SLC26A9: variants seen among roughly 807,000 people sequenced by gnomAD.
SLC26A9 encodes the protein anion transporter/exchanger protein 9.
SLC26A9 carries 46 observed loss-of-function variants against 87.1 expected under a neutral mutation model. That is an observed-to-expected ratio of 0.53 (90% CI 0.42 to 0.67). The LOEUF (loss-of-function observed/expected upper bound fraction) is 0.67, where lower values mean the gene tolerates loss of function less well. SLC26A9 is among the 30% of genes least tolerant of loss of function. The pLI is 0.00. For synonymous variants in SLC26A9, 437 were observed against 409.1 expected (o/e 1.07, Z -0.82); for missense variants, 927 against 1,018.3 (o/e 0.91, Z 1.22).
At position 205,933,923 on chromosome 1, in the gene SLC26A9, C is replaced by T. The variant is rs191475951; in HGVS notation, c.126-839G>A. Among the ~76,000 whole-genome samples, 265 of 152,272 alleles carry T rather than the reference C, an allele frequency of 1.7e-3. 1 individual carries two copies. Among genetic ancestry groups the T allele is most frequent in the African/African-American group, 6.1e-3 (255 of 41,546 alleles). On this transcript the variant is annotated intron_variant, in intron 2 of 20. Coordinates refer to ENST00000367135, the MANE Select transcript of SLC26A9 (RefSeq NM_052934.4). ...AGCGGTAGGAACAAGGGCTTACAAA[C>T]TCAAGGGTGACAGCCGGTGGATTGA...
intron 1 of SLC26A9, among the ~76,000 whole-genome samples, chr1:205,936,540 G>C (rs1389757117): frequency 6.6e-6 from 1 of 152,160 alleles, no homozygotes; most frequent in Non-Finnish European, 1.5e-5. Context: ...CGTTCCAGGA[G>C]CTGAGATGGG....
At position 205,927,273 on chromosome 1, in the gene SLC26A9, C is replaced by T; in HGVS notation, c.1231G>A (p.Val411Met). ...ATGGTGATCATCACCACCAGAGACA[C>T]ACACAGGCTGGCCACCTATTCCGAG... ...GGKSQVASLC[V>M]SLVVMITMLV... The change falls in exon 11 of 21, where the codon GTG becomes ATG. Residue 411 changes from valine to methionine, a missense_variant. Physicochemically the swap from Val to Met is conservative, Grantham distance 21. Coordinates refer to ENST00000367135, the MANE Select transcript of SLC26A9 (RefSeq NM_052934.4). The T allele has an allele frequency of 6.2e-7, 1 of 1,614,130 alleles. No homozygotes were observed. Among genetic ancestry groups the T allele is most frequent in the Non-Finnish European group, 8.5e-7 (1 of 1,180,032 alleles).
chr1:205,932,348 A>G (rs1659339970), intron 4 of SLC26A9, among the ~76,000 whole-genome samples: 1 of 152,224 alleles, frequency 6.6e-6, no homozygotes, highest in Non-Finnish European at 1.5e-5. Context: ...TTAGCACCAG[A>G]GAAGTCCAAA....
chr1:205,931,796 G>A (rs1469850442), intron 5 of SLC26A9, 64 bp downstream of exon 5: 4 of 1,545,184 alleles, frequency 2.6e-6, no homozygotes, highest in South Asian at 1.2e-5. Flanking sequence ...TCAAAGCTAA[G>A]GCTTTGAGGG....
In SLC26A9 at chr1:205,928,996, A is replaced by G. The variant is rs1400936031; in HGVS notation, c.871-87T>C. On this transcript the variant is annotated intron_variant, in intron 7 of 20. Coordinates refer to ENST00000367135, the MANE Select transcript of SLC26A9 (RefSeq NM_052934.4). Reference sequence around the variant, plus strand: ...TCTCAAGTCTCCCTTTTCTCTGGGGACCCTGAATCCCACTCCCCTGCCTCC... The same window carrying G: ...TCTCAAGTCTCCCTTTTCTCTGGGGGCCCTGAATCCCACTCCCCTGCCTCC... The G allele has an allele frequency of 1.7e-5, 26 of 1,538,402 alleles. No individual in the cohort carries two copies. The East Asian group carries it at 5.6e-4, about 33-fold the overall frequency.
Position 205,921,801 on chromosome 1 carries a change from G to C in SLC26A9, c.1820C>G (p.Pro607Arg), listed in dbSNP as rs755324854. The C allele has an allele frequency of 1.2e-6, 2 of 1,606,972 alleles. No individual in the cohort carries two copies. The highest frequency in any genetic ancestry group is 1.7e-6 in the Non-Finnish European group (2 of 1,177,772). The change falls in exon 17 of 21, where the codon CCC becomes CGC. Residue 607 changes from proline to arginine, a missense_variant. Pro to Arg is a moderately radical substitution (Grantham distance 103, BLOSUM62 -2). Coordinates refer to ENST00000367135, the MANE Select transcript of SLC26A9 (RefSeq NM_052934.4). ...ELQQDFENAPPTDPNNNQTPA... is the reference protein window; with the variant it reads ...ELQQDFENAPRTDPNNNQTPA... ...GGTCTGGTTGTTGTTGGGGTCGGTG[G>C]GGGGCGCATTCTCAAAGTCCTGCTG...
intron 8 of SLC26A9, among the ~76,000 whole-genome samples, chr1:205,928,564 G>T (rs1571745122): frequency 1.3e-5 from 2 of 152,356 alleles, no homozygotes; most frequent in South Asian, 4.1e-4. Context: ...CGGCTGTTCA[G>T]AGAGGCTTTG....
At chr1:205,929,672 C>A (rs1659228054) in intron 6 of SLC26A9, among the ~76,000 whole-genome samples, 1 of 152,186 alleles carries the variant, frequency 6.6e-6, no homozygotes, top group African/African-American at 2.4e-5. Flanking sequence ...GGGGAACTGG[C>A]GGAGAATGTA....
chr1:205,929,414 C>T (rs539955522), intron 6 of SLC26A9, 58 bp from the exon 7 acceptor site: 11 of 1,584,090 alleles, frequency 6.9e-6, no homozygotes, highest in African/African-American at 4.0e-5. Context: ...TAATACCCCA[C>T]CTTTGGGTGT....
At chr1:205,939,657 G>T (rs932712542) in intron 1 of SLC26A9, among the ~76,000 whole-genome samples, 2 of 152,070 alleles carry the variant, frequency 1.3e-5, no homozygotes, top group Admixed American at 6.5e-5. Context: ...AAGGGTGGGT[G>T]GCATGGTGGG....
intron 4 of SLC26A9, among the ~76,000 whole-genome samples, 179 bp downstream of exon 4, chr1:205,932,523 A>G (rs1659344947): frequency 6.6e-6 from 1 of 152,226 alleles, no homozygotes; most frequent in South Asian, 2.1e-4. Context: ...AAAGAGGCTC[A>G]GTGGTTTCTC....
In SLC26A9 at chr1:205,924,675, C is replaced by T. The variant is rs74146721; in HGVS notation, c.1390-186G>A. ...GTGCTTTGGTTACACTTTCCTCTTT[C>T]CCTTAGATTGACTGTGGTTGCCTGA... On this transcript the variant is annotated intron_variant, in intron 12 of 20. Transcript: ENST00000367135. The T allele has an allele frequency of 5.8e-3, 3,260 of 562,286 alleles. 98 individuals carry two copies. The highest frequency in any genetic ancestry group is 0.056 in the African/African-American group (2,957 of 52,944). 34.8% of individuals were successfully genotyped at this position (562,286 alleles called of 1,614,324 possible).
rs750488982 is a variant in SLC26A9 at position 205,921,796 on chromosome 1, C to T, written c.1825G>A (p.Asp609Asn). The change falls in exon 17 of 21, where the codon GAC (aspartate) becomes AAC (asparagine). Residue 609 changes from aspartate to asparagine, a missense_variant. Asp to Asn is a conservative substitution (Grantham distance 23). Coordinates refer to ENST00000367135, the MANE Select transcript of SLC26A9 (RefSeq NM_052934.4). ...QQDFENAPPT[D>N]PNNNQTPANG... ...GCCGGGGTCTGGTTGTTGTTGGGGT[C>T]GGTGGGGGGCGCATTCTCAAAGTCC... The T allele has an allele frequency of 3.1e-6, 5 of 1,605,618 alleles. No individual in the cohort carries two copies. The highest frequency in any genetic ancestry group is 4.2e-6 in the Non-Finnish European group (5 of 1,177,182).
intron 2 of SLC26A9, among the ~76,000 whole-genome samples, chr1:205,934,264 G>T (rs1195600251): frequency 1.3e-5 from 2 of 152,174 alleles, no homozygotes; most frequent in Non-Finnish European, 2.9e-5. Context: ...GGGGCTCATG[G>T]GTGCCTCTGC....
In SLC26A9 at chr1:205,931,936, T is replaced by C. The variant is rs1384425908; in HGVS notation, c.476A>G (p.Tyr159Cys). The C allele has an allele frequency of 1.9e-6, 3 of 1,614,250 alleles. No individual in the cohort carries two copies. The South Asian group carries it at 3.3e-5, about 18-fold the overall frequency. ...AGCCTCCATGGCTGCTGTGTCCACATAGCTCTCATTGGTGGCATTGTTGAA... is the reference window on the plus strand; with the variant it reads ...AGCCTCCATGGCTGCTGTGTCCACACAGCTCTCATTGGTGGCATTGTTGAA... ...QVFNNATNESYVDTAAMEAER... is the reference protein window; with the variant it reads ...QVFNNATNESCVDTAAMEAER... Residue 159 changes from tyrosine (Y) to cysteine (C), a missense_variant, in exon 5 of 21, where the codon TAT (tyrosine) becomes TGT (cysteine). Transcript: ENST00000367135.
intron 1 of SLC26A9, among the ~76,000 whole-genome samples, chr1:205,938,417 A>G (rs1012654891): frequency 2.0e-4 from 31 of 151,644 alleles, no homozygotes; most frequent in African/African-American, 6.8e-4. Context: ...TGCCCCTCCA[A>G]CCCAGCCTAA....
chr1:205,932,911 G>A lies in SLC26A9; in HGVS notation c.265+34C>T, dbSNP rs779290046. On this transcript the variant is annotated intron_variant, in intron 3 of 20. Coordinates refer to ENST00000367135, the MANE Select transcript of SLC26A9 (RefSeq NM_052934.4). ...TGAGGAGAGGAATGGTGAGGGGAGT[G>A]GCAATCCAGGCCTGGCTGAAGGAGC... The A allele has an allele frequency of 1.6e-5, 26 of 1,612,434 alleles. No homozygotes were observed. The South Asian group carries it at 2.4e-4, about 15-fold the overall frequency.
intron 9 of SLC26A9, 121 bp downstream of exon 9, chr1:205,927,781 A>G: frequency 1.3e-6 from 2 of 1,507,936 alleles, no homozygotes; most frequent in South Asian, 2.5e-5. Context: ...AGGACCCCCT[A>G]TCCCCCACAC....
intron 2 of SLC26A9, among the ~76,000 whole-genome samples, chr1:205,933,988 C>A (rs1484587571): frequency 6.6e-6 from 1 of 152,206 alleles, no homozygotes; most frequent in African/African-American, 2.4e-5. Flanking sequence ...TTCCTTCTCC[C>A]AGTTGAGGGA....
Sources: allele counts gnomAD v4.1 joint callset (sites outside exome capture counted in the v4.1 genomes callset), GRCh38; gene constraint gnomAD v4.1.1; transcripts MANE v1.5; gene names NCBI Gene and HGNC (gene_info 2026-07-23, HGNC 2026-07-21).